The following PLEKHG1 variants were observed in gnomAD, a reference collection of about 807,000 sequenced individuals.
PLEKHG1 encodes the protein pleckstrin homology domain-containing family G member 1.
In PLEKHG1, 44 loss-of-function variants were observed where a neutral mutation model predicts 100.8. The ratio of observed to expected loss-of-function variants is 0.44; its 90% CI spans 0.34 to 0.56. PLEKHG1 has a LOEUF of 0.56. Among genes scored for constraint, PLEKHG1 ranks in the 20% least tolerant of loss-of-function variants. The pLI, the probability that PLEKHG1 is intolerant of heterozygous loss-of-function variation, is 0.01. For synonymous variants in PLEKHG1, 640 were observed against 662.5 expected (o/e 0.97, Z 0.52); for missense variants, 1,545 against 1,720.9 (o/e 0.90, Z 1.81).
chr6:150,665,561 C>T (rs572247198), intron 3 of PLEKHG1, among the ~76,000 whole-genome samples: 1 of 151,836 alleles, frequency 6.6e-6, no homozygotes, highest in African/African-American at 2.4e-5. Context: ...ACCCAGGAGG[C>T]GGAGGTTGCA....
At chr6:150,667,102 T>TTG (rs907215629) in intron 3 of PLEKHG1, among the ~76,000 whole-genome samples, 3 of 149,510 alleles carry the variant, frequency 2.0e-5, no homozygotes, top group Non-Finnish European at 4.4e-5. Context: ...GTGTGTGTGT[T>TTG]TGTGTGTGTG....
intron 3 of PLEKHG1, among the ~76,000 whole-genome samples, chr6:150,677,308 G>A (rs528613786): frequency 0.12 from 17,796 of 151,204 alleles, 1,252 homozygotes; most frequent in African/African-American, 0.2. Flanking sequence ...ACACACGCGC[G>A]CGCGCACACA....
At chr6:150,625,568 C>T (rs1470621098) in intron 1 of PLEKHG1, among the ~76,000 whole-genome samples, 1 of 152,152 alleles carries the variant, frequency 6.6e-6, no homozygotes, top group Non-Finnish European at 1.5e-5. Context: ...TCTTGGCTCA[C>T]TGCAACCTCT....
At chr6:150,826,122 C>T (rs568114605) in intron 14 of PLEKHG1, among the ~76,000 whole-genome samples, 26 of 151,862 alleles carry the variant, frequency 1.7e-4, no homozygotes, top group African/African-American at 5.8e-4. Flanking sequence ...GTGGAAGTTA[C>T]AGTGAGCTGA....
chr6:150,797,501 A>G (rs1786417596), intron 5 of PLEKHG1, among the ~76,000 whole-genome samples: 1 of 151,908 alleles, frequency 6.6e-6, no homozygotes, highest in Non-Finnish European at 1.5e-5. Flanking sequence ...GCACCACTGC[A>G]CTCCAGCCCA....
intron 1 of PLEKHG1, among the ~76,000 whole-genome samples, chr6:150,604,258 T>C (rs1197898137): frequency 6.6e-6 from 1 of 152,184 alleles, no homozygotes; most frequent in Non-Finnish European, 1.5e-5. Flanking sequence ...GGTGAATAGA[T>C]CTAGTTCTCT....
At chr6:150,828,078 AG>A in intron 14 of PLEKHG1, 2 of 1,613,034 alleles carry the variant, frequency 1.2e-6, no homozygotes. Context: ...TGGACTTGCC[AG>A]GAAGTTTCCT....
At chr6:150,776,799 A>C (rs1008833281) in intron 3 of PLEKHG1, among the ~76,000 whole-genome samples, 2 of 151,920 alleles carry the variant, frequency 1.3e-5, no homozygotes, top group Non-Finnish European at 2.9e-5. Context: ...GTGCGGTTGC[A>C]CATTACTCAC....
chr6:150,786,377 A>G lies in PLEKHG1; in HGVS notation c.513-13A>G. On this transcript the variant is annotated splice_polypyrimidine_tract_variant and intron_variant, in intron 3 of 15. Coordinates refer to ENST00000358517, the Ensembl canonical transcript of PLEKHG1. ...TACAATCTAATACTTCCTGGCTGTTATTTTTTTATTAGTGAACTTCTGCAA... is the reference window on the plus strand; with the variant it reads ...TACAATCTAATACTTCCTGGCTGTTGTTTTTTTATTAGTGAACTTCTGCAA... 1 of 1,584,646 alleles carries G rather than the reference A, an allele frequency of 6.3e-7. No homozygotes were observed. Among genetic ancestry groups the G allele is most frequent in the Non-Finnish European group, 8.7e-7 (1 of 1,153,404 alleles).
intron 4 of PLEKHG1, 77 bp downstream of exon 5, chr6:150,786,536 CT>C: frequency 1.0e-6 from 1 of 958,302 alleles, no homozygotes; most frequent in South Asian, 1.4e-5. Flanking sequence ...GTTAAAATGA[CT>C]GGTTTGTTTC....
intron 2 of PLEKHG1, among the ~76,000 whole-genome samples, chr6:150,742,727 G>A (rs945416053): frequency 2.0e-5 from 3 of 152,112 alleles, no homozygotes; most frequent in Non-Finnish European, 4.4e-5. Context: ...TTCAATATGA[G>A]GTTTGGGCGG....
chr6:150,744,835 C>T (rs1299550216), intron 2 of PLEKHG1, among the ~76,000 whole-genome samples: 5 of 152,242 alleles, frequency 3.3e-5, no homozygotes, highest in African/African-American at 7.2e-5. Flanking sequence ...CAAGGAAATC[C>T]GGGATATATG....
chr6:150,611,749 T>A (rs1241332176), intron 1 of PLEKHG1, among the ~76,000 whole-genome samples: 1 of 150,156 alleles, frequency 6.7e-6, no homozygotes, highest in African/African-American at 2.4e-5. Flanking sequence ...TAGGCGGAGG[T>A]TGCAGTGAGT....
chr6:150,646,568 A>G (rs1295852313), intron 2 of PLEKHG1, among the ~76,000 whole-genome samples: 1 of 152,180 alleles, frequency 6.6e-6, no homozygotes, highest in Non-Finnish European at 1.5e-5. Flanking sequence ...TACACAGGCC[A>G]TTGTTACTTG....
chr6:150,837,502 G>T (rs1169549148), intron 15 of PLEKHG1, among the ~76,000 whole-genome samples: 2 of 152,196 alleles, frequency 1.3e-5, no homozygotes, highest in Admixed American at 1.3e-4. Context: ...AAGACTTAAT[G>T]GTTAAATTTT....
At chr6:150,603,075 G>C (rs1253966184) in intron 1 of PLEKHG1, among the ~76,000 whole-genome samples, 1 of 31,286 alleles carries the variant, frequency 3.2e-5, no homozygotes, top group Non-Finnish European at 7.7e-5. Context: ...GCGAGACTCC[G>C]TCTCAAAAAA....
chr6:150,704,689 A>G (rs577499955), intron 3 of PLEKHG1, among the ~76,000 whole-genome samples: 43 of 152,358 alleles, frequency 2.8e-4, no homozygotes, highest in African/African-American at 1.0e-3. Context: ...TTGCTTGTTG[A>G]AAATCTTGCT....
At chr6:150,765,092 C>G (rs1784391719) in intron 2 of PLEKHG1, among the ~76,000 whole-genome samples, 1 of 152,080 alleles carries the variant, frequency 6.6e-6, no homozygotes, top group Non-Finnish European at 1.5e-5. Flanking sequence ...GTAAGTTATT[C>G]TAGTTTCAGA....
chr6:150,722,602 T>C (rs968543095), intron 1 of PLEKHG1, among the ~76,000 whole-genome samples: 48 of 152,186 alleles, frequency 3.2e-4, no homozygotes, highest in African/African-American at 1.1e-3. Flanking sequence ...TCCGCCCGCC[T>C]TGGGCTCCCA....
Sources: gnomAD v4.1 joint callset for allele counts (sites outside exome capture counted in the v4.1 genomes callset) on GRCh38, gnomAD v4.1.1 for gene constraint, MANE v1.5 for transcripts, NCBI Gene and HGNC (gene_info 2026-07-23, HGNC 2026-07-21) for gene names.